C3: variants seen among roughly 807,000 people sequenced by gnomAD.
C3 encodes the protein C3 and PZP-like alpha-2-macroglobulin domain-containing protein 1.
A neutral mutation model predicts 207.9 loss-of-function variants in C3; 97 were observed. The observed-to-expected ratio is 0.47, with a 90% confidence interval of 0.40 to 0.55. C3 has a LOEUF of 0.55. C3 is among the 20% of genes least tolerant of loss of function. The pLI is 0.00. For missense variants in C3, 1,684 were observed against 2,171.7 expected (o/e 0.78, Z 4.46); for synonymous variants, 848 against 857.6 (o/e 0.99, Z 0.20).
At chr19:6,713,663 AG>A (rs1204084236) in intron 7 of C3, 154 bp from the exon 8 acceptor site, 5 of 200,704 alleles carry the variant, frequency 2.5e-5, no homozygotes, top group African/African-American at 1.5e-4. Flanking sequence ...CCCCACCCCC[AG>A]CCCCCCACCT....
chr19:6,686,957 T>C (rs1918024918), intron 27 of C3, 55 bp from the exon 28 acceptor site: 2 of 1,567,020 alleles, frequency 1.3e-6, no homozygotes, highest in African/African-American at 2.7e-5. Context: ...GTCACGTTAG[T>C]AAGGATCATT....
Position 6,702,451 on chromosome 19 carries a change from CG to C in C3, c.2354+19del. The C allele has an allele frequency of 2.6e-6, 4 of 1,534,324 alleles. No individual in the cohort carries two copies. The highest frequency in any genetic ancestry group is 1.8e-6 in the Non-Finnish European group (2 of 1,107,120). ...GGTCTGACTCTGGGGTGGGTTGTAC[CG>C]GGGGTACCCCGGCCTTACCCATTTT... On this transcript the variant is annotated intron_variant, in intron 18 of 40. Transcript: ENST00000245907.
chr19:6,704,838 C>T (rs1002377758), intron 17 of C3, among the ~76,000 whole-genome samples: 2 of 150,064 alleles, frequency 1.3e-5, no homozygotes, highest in Admixed American at 6.7e-5. Context: ...GTGGAGGTTG[C>T]GGTGAGCCGA....
intron 21 of C3, among the ~76,000 whole-genome samples, chr19:6,697,073 TAAAA>T (rs751515285): frequency 1.3e-5 from 1 of 75,528 alleles, no homozygotes. Flanking sequence ...AATAAATAAA[TAAAA>T]AATTTCAAAT....
chr19:6,678,365 G>C lies in C3; in HGVS notation c.4714+7C>G, dbSNP rs573658918. On this transcript the variant is annotated splice_region_variant and intron_variant, in intron 39 of 40. Coordinates refer to ENST00000245907, the MANE Select transcript of C3 (RefSeq NM_000064.4). Reference sequence around the variant, plus strand: ...AGAGCCACGGGAGGCAGCGTGCTGAGCCTGACCTGACTTGATGGTCTGCTC... The same window carrying C: ...AGAGCCACGGGAGGCAGCGTGCTGACCCTGACCTGACTTGATGGTCTGCTC... The C allele has an allele frequency of 1.7e-5, 27 of 1,614,174 alleles. No individual in the cohort carries two copies. The highest frequency in any genetic ancestry group is 2.2e-5 in the Non-Finnish European group (26 of 1,179,992).
chr19:6,700,649 T>C (rs1235691736), intron 19 of C3, among the ~76,000 whole-genome samples: 18 of 72,350 alleles, frequency 2.5e-4, no homozygotes, highest in Non-Finnish European at 3.9e-4. Flanking sequence ...ATATGTAATA[T>C]ATAATATATG....
At chr19:6,685,238 G>T in intron 29 of C3, 92 bp from the exon 30 acceptor site, 1 of 1,230,822 alleles carries the variant, frequency 8.1e-7, no homozygotes, top group Non-Finnish European at 1.2e-6. Flanking sequence ...ATCAGAGCTG[G>T]GACATCAAAA....
In C3 at chr19:6,686,863, C is replaced by T; in HGVS notation, c.3529G>A (p.Glu1177Lys). ...GSITKAGDFL[E>K]ANYMNLQRSY... is the part of the protein sequence containing the mutation. Reference sequence around the variant, plus strand: ...CTCTGTAGGTTCATGTAGTTGGCTTCAAGGAAGTCTCCTGCTTTAGTGATG... The same window carrying T: ...CTCTGTAGGTTCATGTAGTTGGCTTTAAGGAAGTCTCCTGCTTTAGTGATG... The change falls in exon 28 of 41, where the codon GAA (glutamate) becomes AAA (lysine). Residue 1177 changes from glutamate to lysine, a missense_variant. This residue lies in a region of C3 where 1,280 missense variants were observed against 1,739.1 expected (regional missense o/e 0.74). Coordinates refer to ENST00000245907, the MANE Select transcript of C3 (RefSeq NM_000064.4). 6.2e-7 allele frequency: 1 copy of T among 1,614,122 alleles called. No homozygotes were observed. Among genetic ancestry groups the T allele is most frequent in the South Asian group, 1.1e-5 (1 of 91,080 alleles).
intron 4 of C3, among the ~76,000 whole-genome samples, chr19:6,715,827 G>A (rs1041274282): frequency 5.3e-5 from 8 of 151,848 alleles, no homozygotes; most frequent in East Asian, 3.9e-4. Flanking sequence ...GGGTTTCACC[G>A]TGTTAGCCAG....
intron 24 of C3, 45 bp from the exon 25 acceptor site, chr19:6,693,532 A>G: frequency 6.5e-7 from 1 of 1,549,924 alleles, no homozygotes; most frequent in Middle Eastern, 1.7e-4. Flanking sequence ...GGGGCTGAGC[A>G]GAGGGGGCAC....
At chr19:6,690,604 G>A in intron 27 of C3, 25 bp downstream of exon 27, 2 of 1,582,140 alleles carry the variant, frequency 1.3e-6, no homozygotes, top group South Asian at 2.2e-5. Flanking sequence ...AGGTAGGGTA[G>A]GGTGGGAAGA....
chr19:6,705,693 G>C (rs1967759777), intron 17 of C3, among the ~76,000 whole-genome samples: 1 of 144,196 alleles, frequency 6.9e-6, no homozygotes, highest in Non-Finnish European at 1.5e-5. Context: ...TTTTGTTTTT[G>C]AGACGGAGTC....
intron 23 of C3, among the ~76,000 whole-genome samples, chr19:6,696,033 C>A (rs10411974): frequency 0.11 from 16,755 of 151,020 alleles, 1,202 homozygotes; most frequent in East Asian, 0.39. Flanking sequence ...CACGGTGAAA[C>A]CCTGTCTCTA....
chr19:6,690,774 C>T (rs751000480), intron 26 of C3, 47 bp from the exon 27 acceptor site: 68 of 1,425,286 alleles, frequency 4.8e-5, no homozygotes, highest in Non-Finnish European at 6.4e-5. Context: ...GGTGTGTCCA[C>T]ACATGGCAGT....
At chr19:6,692,779 A>G (rs438703) in intron 26 of C3, 145 bp downstream of exon 26, 4 of 994,838 alleles carry the variant, frequency 4.0e-6, no homozygotes, top group Non-Finnish European at 6.2e-6. Flanking sequence ...TCTGGCTCAT[A>G]TATCTGCCTG....
chr19:6,706,543 G>A (rs957520931), intron 17 of C3, among the ~76,000 whole-genome samples: 3 of 152,038 alleles, frequency 2.0e-5, no homozygotes, highest in African/African-American at 7.2e-5. Flanking sequence ...CGCTGGCAGG[G>A]CATCACCTCA....
At chr19:6,717,643 G>A (rs1345953253) in intron 4 of C3, 10 of 296,772 alleles carry the variant, frequency 3.4e-5, no homozygotes, top group Non-Finnish European at 5.9e-5. Context: ...GTGGTTGTGT[G>A]TTGTGTGTGG....
chr19:6,680,205 T>C lies in C3; in HGVS notation c.4409A>G (p.Glu1470Gly). 1 of 1,613,716 alleles carries C rather than the reference T, an allele frequency of 6.2e-7. No homozygotes were observed. Among genetic ancestry groups the C allele is most frequent in the East Asian group, 2.2e-5 (1 of 44,876 alleles). Reference sequence around the variant, plus strand: ...CTTGACTGCTCCAGGCTGGATAAGCTCTACATTAAAGTATTGGTGAACTTT... The same window carrying C: ...CTTGACTGCTCCAGGCTGGATAAGCCCTACATTAAAGTATTGGTGAACTTT... The part of the protein sequence containing the change: ...AFKVHQYFNV[E>G]LIQPGAVKVY... Residue 1470 changes from glutamate to glycine, a missense_variant, in exon 36 of 41, where the codon GAG becomes GGG. By Grantham distance (98) the Glu-to-Gly change is moderately conservative (BLOSUM62 -2). Transcript: ENST00000245907.
chr19:6,679,102 AC>A (rs1352781694), intron 38 of C3, 22 bp downstream of exon 38: 3 of 1,575,558 alleles, frequency 1.9e-6, no homozygotes, highest in Non-Finnish European at 2.6e-6. Flanking sequence ...AACATGCGTG[AC>A]CCCCACCCAT....
Sources: allele counts gnomAD v4.1 joint callset (sites outside exome capture counted in the v4.1 genomes callset), GRCh38; gene constraint gnomAD v4.1.1; regional missense constraint gnomAD v4.1.1; transcripts MANE v1.5; gene names NCBI Gene and HGNC (gene_info 2026-07-23, HGNC 2026-07-21).